PHYKPL: variants seen among roughly 807,000 people sequenced by gnomAD.
PHYKPL encodes the protein 5-phosphohydroxy-L-lysine phospho-lyase, also known as 5-phosphonooxy-L-lysine phospho-lyase.
Under a neutral mutation model 51.3 loss-of-function variants are expected in PHYKPL, and 42 were observed. That is an observed-to-expected ratio of 0.82 (90% CI 0.64 to 1.06). PHYKPL has a LOEUF of 1.06. Ranked by LOEUF, PHYKPL falls within the 50% of genes least tolerant of loss-of-function variation. The pLI, the probability that PHYKPL is intolerant of heterozygous loss-of-function variation, is 0.00. For missense variants in PHYKPL, 655 were observed against 586.6 expected (o/e 1.12, Z -1.20); for synonymous variants, 264 against 236.0 (o/e 1.12, Z -1.09).
chr5:178,217,926 A>G (rs1760202150), intron 8 of PHYKPL, among the ~76,000 whole-genome samples: 1 of 149,852 alleles, frequency 6.7e-6, no homozygotes, highest in Non-Finnish European at 1.5e-5. Flanking sequence ...GAATAAAGAA[A>G]AACAGTCATG....
downstream of PHYKPL, among the ~76,000 whole-genome samples, chr5:178,207,489 CT>C (rs1475139378): frequency 2.6e-5 from 4 of 152,150 alleles, no homozygotes; most frequent in Non-Finnish European, 5.9e-5. Flanking sequence ...TGAGTAGCCT[CT>C]TTAGCTCCTC....
chr5:178,215,583 G>C, intron 8 of PHYKPL, 153 bp from the exon 9 acceptor site: 1 of 876,856 alleles, frequency 1.1e-6, no homozygotes, highest in Non-Finnish European at 1.7e-6. Flanking sequence ...CTCAGCAGTA[G>C]TAAGTGGGGT....
Position 178,214,964 on chromosome 5 carries a change from C to T in PHYKPL, c.1083-79G>A. On this transcript the variant is annotated intron_variant, in intron 9 of 12. Transcript: ENST00000308158. Reference sequence around the variant, plus strand: ...CTGGCCTCAGCCTCTGGGCTCCTACCTGTGCCTCCTGAGGGGGCTGAGTGC... The same window carrying T: ...CTGGCCTCAGCCTCTGGGCTCCTACTTGTGCCTCCTGAGGGGGCTGAGTGC... 6.0e-6 allele frequency: 8 copies of T among 1,335,582 alleles called. No homozygotes were observed. The South Asian group carries it at 9.9e-5, about 16-fold the overall frequency. 82.7% of individuals were successfully genotyped at this position (1,335,582 alleles called of 1,614,324 possible).
chr5:178,215,420 C>T lies in PHYKPL; in HGVS notation c.938G>A (p.Ser313Asn). The T allele has an allele frequency of 6.2e-7, 1 of 1,611,538 alleles. No individual in the cohort carries two copies. The highest frequency in any genetic ancestry group is 8.5e-7 in the Non-Finnish European group (1 of 1,178,756). ...CAGCCCCACAGCGCAGGACACTGGG[C>T]TGCCCCCAAACTGAGCCAGGGACAA... is the stretch of plus-strand genomic sequence containing the variant. ...GVEYFNTFGGSPVSCAVGLAV... is the reference protein window; with the variant it reads ...GVEYFNTFGGNPVSCAVGLAV... Residue 313 changes from serine to asparagine, a missense_variant, in exon 9 of 13, where the codon AGC becomes AAC. By Grantham distance (46) the Ser-to-Asn change is conservative. Transcript: ENST00000308158.
intron 8 of PHYKPL, among the ~76,000 whole-genome samples, chr5:178,217,984 G>A (rs1283318262): frequency 2.0e-5 from 3 of 150,530 alleles, no homozygotes; most frequent in South Asian, 2.1e-4. Flanking sequence ...TTGGGAGGCC[G>A]AGACGGGCGG....
intron 12 of PHYKPL, chr5:178,209,402 C>T (rs147910305): frequency 1.5e-5 from 24 of 1,614,116 alleles, no homozygotes; most frequent in South Asian, 6.6e-5. Flanking sequence ...CCGTGGAAAC[C>T]GCAACCGAGG....
chr5:178,215,284 C>A lies in PHYKPL; in HGVS notation c.1074G>T (p.Gly358=). 1 of 1,614,008 alleles carries A rather than the reference C, an allele frequency of 6.2e-7. No individual in the cohort carries two copies. Among genetic ancestry groups the A allele is most frequent in the South Asian group, 1.1e-5 (1 of 91,076 alleles). ...TGCCCCCAGAGCCTCACCTGACATC[C>A]CCGACGATGGGATGTTTGATTTTTT... The part of the protein sequence containing the change: ...GQQKIKHPIV[G]DVRGVGLFIG... Residue 358 remains glycine (G), a synonymous_variant, in exon 9 of 13, where the codon GGG becomes GGT. Coordinates refer to ENST00000308158, the MANE Select transcript of PHYKPL (RefSeq NM_153373.4).
At chr5:178,228,571 T>C in intron 3 of PHYKPL, 1 of 702,604 alleles carries the variant, frequency 1.4e-6, no homozygotes, top group Non-Finnish European at 2.6e-6. Context: ...TTCCTTTCTT[T>C]GAACTGCTGT....
intron 11 of PHYKPL, among the ~76,000 whole-genome samples, chr5:178,212,228 CCT>C (rs1309505574): frequency 2.0e-5 from 3 of 152,226 alleles, no homozygotes; most frequent in Non-Finnish European, 4.4e-5. Flanking sequence ...CAAACACACT[CCT>C]ATTCATCATA....
chr5:178,210,282 A>C, intron 12 of PHYKPL: 1 of 1,614,022 alleles, frequency 6.2e-7, no homozygotes, highest in Non-Finnish European at 8.5e-7. Flanking sequence ...AGTAAGTAGG[A>C]GAGAGGGAGG....
chr5:178,207,688 GCACTT>G (rs1757137923), downstream of PHYKPL, among the ~76,000 whole-genome samples: 1 of 122,896 alleles, frequency 8.1e-6, no homozygotes, highest in Non-Finnish European at 1.6e-5. Context: ...TCCACTTTGA[GCACTT>G]TTTTTTTTTT....
chr5:178,213,104 C>G lies in PHYKPL; in HGVS notation c.1173-1G>C, dbSNP rs1323584483. 4 of 1,613,844 alleles carry G rather than the reference C, an allele frequency of 2.5e-6. No homozygotes were observed. In the African/African-American group the frequency reaches 5.3e-5, roughly 22 times the overall value. On this transcript the variant is annotated splice_acceptor_variant, in intron 10 of 12. Transcript: ENST00000308158. LOFTEE classifies it high-confidence loss of function. ...CAGCAAAACGTAGTTCTCCTTCAGC[C>G]TGTGAGGACAGGACACCCCTTCACA...
intron 6 of PHYKPL, chr5:178,224,243 T>C (rs1403196486): frequency 3.4e-6 from 2 of 588,752 alleles, no homozygotes; most frequent in African/African-American, 1.9e-5. Flanking sequence ...TCCCAAGGCC[T>C]GCTCAGGCTC....
rs1344861785 is a variant in PHYKPL at position 178,212,982 on chromosome 5, T to C, written c.1294A>G (p.Ile432Val). 2.5e-6 allele frequency: 4 copies of C among 1,614,120 alleles called. No individual in the cohort carries two copies. The highest frequency in any genetic ancestry group is 3.4e-6 in the Non-Finnish European group (4 of 1,179,990). Residue 432 changes from isoleucine to valine, a missense_variant, in exon 11 of 13, where the codon ATT becomes GTT. Transcript: ENST00000308158. ...ARQVVAKLDAILTDMEEKVRS... is the reference protein window; with the variant it reads ...ARQVVAKLDAVLTDMEEKVRS... ...CAGGCTTCAAGCTCACCAGTCAGAA[T>C]GGCATCCAGCTTTGCCACCACCTGC...
chr5:178,209,503 C>T (rs1757515914), intron 12 of PHYKPL: 3 of 1,472,068 alleles, frequency 2.0e-6, no homozygotes, highest in African/African-American at 1.4e-5. Flanking sequence ...TGGAGCCTTC[C>T]AAGCCTGTCT....
At chr5:178,230,242 C>T (rs1763111961) in intron 2 of PHYKPL, 143 bp from the exon 3 acceptor site, 3 of 1,002,498 alleles carry the variant, frequency 3.0e-6, no homozygotes, top group Non-Finnish European at 4.3e-6. Flanking sequence ...GAAGGCAGAG[C>T]AGGGAGAGAG....
At chr5:178,231,713 G>A (rs1763469208) in intron 1 of PHYKPL, 190 bp from the exon 2 acceptor site, 2 of 1,544,860 alleles carry the variant, frequency 1.3e-6, no homozygotes, top group Non-Finnish European at 1.7e-6. Context: ...GGAAGCAGAT[G>A]GGGTAACAAG....
At chr5:178,228,376 G>A in intron 3 of PHYKPL, 1 of 604,852 alleles carries the variant, frequency 1.7e-6, no homozygotes, top group Non-Finnish European at 2.9e-6. Context: ...ATTACTGCTG[G>A]GACAGAGTAA....
chr5:178,210,245 T>TA, intron 12 of PHYKPL: 1 of 1,613,864 alleles, frequency 6.2e-7, no homozygotes, highest in Non-Finnish European at 8.5e-7. Flanking sequence ...CTATGGCTAT[T>TA]ACGGCTACGG....
Sources: gnomAD v4.1 joint callset for allele counts (sites outside exome capture counted in the v4.1 genomes callset) on GRCh38, gnomAD v4.1.1 for gene constraint, MANE v1.5 for transcripts, NCBI Gene and HGNC (gene_info 2026-07-23, HGNC 2026-07-21) for gene names.